The following HPCAL1 variants were observed in gnomAD, a reference collection of about 807,000 sequenced individuals.
The protein encoded by HPCAL1 is hippocalcin-like protein 1.
In HPCAL1, 8 loss-of-function variants were observed where a neutral mutation model predicts 17.1. That is an observed-to-expected ratio of 0.47 (90% CI 0.27 to 0.84). The LOEUF (loss-of-function observed/expected upper bound fraction) is 0.84. Ranked by LOEUF, HPCAL1 falls within the 40% of genes least tolerant of loss-of-function variation. The probability of loss-of-function intolerance (pLI) is 0.13; values close to 1 mark genes in which losing one functional copy is unlikely to be tolerated. For missense variants in HPCAL1, 165 were observed against 271.1 expected (o/e 0.61, Z 2.75); for synonymous variants, 112 against 111.4 (o/e 1.01, Z -0.03).
At chr2:10,410,436 CTTTTTTTT>C (rs36002921) in intron 2 of HPCAL1, among the ~76,000 whole-genome samples, 1 of 77,524 alleles carries the variant, frequency 1.3e-5, no homozygotes, top group African/African-American at 5.0e-5. Flanking sequence ...TCTTCTTCTT[CTTTTTTTT>C]TTTTTTTTTT....
intron 1 of HPCAL1, among the ~76,000 whole-genome samples, chr2:10,305,430 G>A (rs1436843647): frequency 6.6e-6 from 1 of 152,198 alleles, no homozygotes; most frequent in Non-Finnish European, 1.5e-5. Context: ...ATTGGATAAT[G>A]TGGCAAAGGG....
At chr2:10,399,520 C>CCATCACCATCATCACCACCAT (rs1558518638) in intron 2 of HPCAL1, among the ~76,000 whole-genome samples, 1 of 118,126 alleles carries the variant, frequency 8.5e-6, no homozygotes, top group Non-Finnish European at 1.8e-5. Flanking sequence ...ACCGCCGCCA[C>CCATCACCATCATCACCACCAT]CACCGCCACT....
chr2:10,411,789 C>T (rs1273406657), intron 2 of HPCAL1, among the ~76,000 whole-genome samples: 1 of 152,186 alleles, frequency 6.6e-6, no homozygotes. Context: ...ATCCTCCAGT[C>T]CCCTGCTCGG....
At position 10,367,515 on chromosome 2, in the gene HPCAL1, C is replaced by T. The variant is rs1437463476; in HGVS notation, c.-110-29320C>T. ...ACTGGTCTTAAACTCCTGGGCTCAA[C>T]TAAAATTTTAATCTCCAATTCATAC... On this transcript the variant is annotated intron_variant, in intron 1 of 4. Transcript: ENST00000307845. The surrounding 1 kb of genome is among the most constrained non-coding windows in gnomAD (Gnocchi z 4.4). Among the ~76,000 whole-genome samples the T allele has an allele frequency of 6.6e-6, 1 of 152,084 alleles. No homozygotes were observed. The highest frequency in any genetic ancestry group is 2.1e-4 in the South Asian group (1 of 4,820).
chr2:10,307,702 G>C (rs1262365237), intron 1 of HPCAL1, among the ~76,000 whole-genome samples: 1 of 151,966 alleles, frequency 6.6e-6, no homozygotes, highest in Non-Finnish European at 1.5e-5. Flanking sequence ...GGAGCTCTTT[G>C]TCTGTCTTCA....
At chr2:10,376,170 C>T (rs757512842) in intron 1 of HPCAL1, among the ~76,000 whole-genome samples, 1 of 152,218 alleles carries the variant, frequency 6.6e-6, no homozygotes, top group Non-Finnish European at 1.5e-5. Flanking sequence ...TGGCACCACG[C>T]TTCCTGTACA....
chr2:10,323,698 C>T lies in HPCAL1; in HGVS notation c.-111+20521C>T, dbSNP rs1663813458. ...CTGTCCTACTGCTTTATACGCATGA[C>T]CTCAGGTAATGAGAATTAGCCCACA... On this transcript the variant is annotated intron_variant, in intron 1 of 4. Transcript: ENST00000307845. The surrounding 1 kb of genome is among the most constrained non-coding windows in gnomAD (Gnocchi z 4.6). Among the ~76,000 whole-genome samples the T allele has an allele frequency of 1.3e-5, 2 of 152,236 alleles. No homozygotes were observed. The highest frequency in any genetic ancestry group is 4.1e-4 in the South Asian group (2 of 4,832).
intron 3 of HPCAL1, 52 bp from the exon 4 acceptor site, chr2:10,422,931 C>A: frequency 7.4e-7 from 1 of 1,360,144 alleles, no homozygotes; most frequent in Non-Finnish European, 1.0e-6. Context: ...CCTTGCTGCA[C>A]CCGCCCAAGC....
intron 1 of HPCAL1, among the ~76,000 whole-genome samples, chr2:10,391,487 A>G (rs1350903193): frequency 6.6e-6 from 1 of 152,250 alleles, no homozygotes; most frequent in African/African-American, 2.4e-5. Flanking sequence ...TTTAAAGTAT[A>G]CAATGTAAAG....
chr2:10,423,196 A>C (rs1019123961), intron 4 of HPCAL1, 108 bp downstream of exon 4: 2 of 802,608 alleles, frequency 2.5e-6, no homozygotes, highest in Non-Finnish European at 2.1e-6. Flanking sequence ...CCTGAGGGCC[A>C]CCCCCGCCCG....
chr2:10,402,953 G>T (rs1196653398), intron 2 of HPCAL1, among the ~76,000 whole-genome samples: 1 of 152,094 alleles, frequency 6.6e-6, no homozygotes, highest in African/African-American at 2.4e-5. Flanking sequence ...TCTTACAAAT[G>T]GTTTCCACCC....
rs1040454728 is a variant in HPCAL1 at position 10,419,481 on chromosome 2, TC to T, written c.-24-246del. Among the ~76,000 whole-genome samples the T allele has an allele frequency of 4.6e-5, 7 of 151,398 alleles. No individual in the cohort carries two copies. Among genetic ancestry groups the T allele is most frequent in the Non-Finnish European group, 2.9e-5 (2 of 67,954 alleles). On this transcript the variant is annotated intron_variant, in intron 2 of 4. Transcript: ENST00000307845. The surrounding 1 kb of genome is among the most constrained non-coding windows in gnomAD (Gnocchi z 5.0). Reference sequence around the variant, plus strand: ...GTTCCACTGATTTTAAGTTGCATTTTCCCCCCCGCATTTCCACATTCTCCAA... The same window carrying T: ...GTTCCACTGATTTTAAGTTGCATTTTCCCCCCGCATTTCCACATTCTCCAA...
intron 1 of HPCAL1, among the ~76,000 whole-genome samples, chr2:10,308,142 A>T (rs1375844086): frequency 2.6e-5 from 4 of 151,844 alleles, no homozygotes; most frequent in African/African-American, 9.7e-5. Context: ...CTAAGCTGAT[A>T]CCTGGGAGAG....
At chr2:10,417,864 A>G (rs1279134670) in intron 2 of HPCAL1, among the ~76,000 whole-genome samples, 1 of 150,600 alleles carries the variant, frequency 6.6e-6, no homozygotes, top group Non-Finnish European at 1.5e-5. Context: ...CAAAATAGTG[A>G]GGCCCTGTTT....
In HPCAL1 at chr2:10,393,938, G is replaced by C. The variant is rs145254186; in HGVS notation, c.-110-2897G>C. Among the ~76,000 whole-genome samples, 1,153 of 145,276 alleles carry C rather than the reference G, an allele frequency of 7.9e-3. 7 individuals are homozygous for C. Among genetic ancestry groups the C allele is most frequent in the African/African-American group, 0.027 (1,059 of 39,234 alleles). On this transcript the variant is annotated intron_variant, in intron 1 of 4. Coordinates refer to ENST00000307845, the MANE Select transcript of HPCAL1 (RefSeq NM_002149.4). ...GAGACCAGCCTGGGCAATGCAGTGA[G>C]ATCTCATCTCTACTAAAAATGAAAA...
At position 10,377,981 on chromosome 2, in the gene HPCAL1, T is replaced by C. The variant is rs2125530032; in HGVS notation, c.-110-18854T>C. 6.6e-6 allele frequency among the ~76,000 whole-genome samples: 1 copy of C among 152,270 alleles called. No individual in the cohort carries two copies. The highest frequency in any genetic ancestry group is 2.4e-5 in the African/African-American group (1 of 41,564). On this transcript the variant is annotated intron_variant, in intron 1 of 4. Coordinates refer to ENST00000307845, the MANE Select transcript of HPCAL1 (RefSeq NM_002149.4). The surrounding 1 kb of genome is among the most constrained non-coding windows in gnomAD (Gnocchi z 5.9). The stretch of plus-strand genomic sequence containing the variant: ...GCGGGGAGGCGTTTCGACTTTGGAC[T>C]GAAGGCCTTAATTGACCAAGGCGGT...
intron 1 of HPCAL1, among the ~76,000 whole-genome samples, chr2:10,357,461 C>T (rs1296067554): frequency 2.6e-5 from 4 of 152,222 alleles, no homozygotes; most frequent in African/African-American, 7.2e-5. Flanking sequence ...GGAACCACCC[C>T]AGGGGGATGC....
chr2:10,364,202 G>A (rs73914054), intron 1 of HPCAL1, among the ~76,000 whole-genome samples: 5 of 152,236 alleles, frequency 3.3e-5, no homozygotes, highest in Non-Finnish European at 7.3e-5. Flanking sequence ...ACCCAGAGGC[G>A]GGTGTCTGCC....
At chr2:10,386,501 G>C (rs1352349342) in intron 1 of HPCAL1, among the ~76,000 whole-genome samples, 3 of 152,108 alleles carry the variant, frequency 2.0e-5, no homozygotes, top group African/African-American at 7.2e-5. Context: ...CCCCCCCCCA[G>C]GTTACAGGTA....
Sources: allele counts gnomAD v4.1 joint callset (sites outside exome capture counted in the v4.1 genomes callset), GRCh38; gene constraint gnomAD v4.1.1; non-coding constraint Gnocchi (gnomAD v3.1); transcripts MANE v1.5; gene names NCBI Gene and HGNC (gene_info 2026-07-23, HGNC 2026-07-21).